SMAP2: variants seen among roughly 807,000 people sequenced by gnomAD.
SMAP2 encodes small ArfGAP2.
In SMAP2, 25 loss-of-function variants were observed where a neutral mutation model predicts 56.4. The observed-to-expected ratio is 0.44, with a 90% CI of 0.32 to 0.62. The LOEUF (loss-of-function observed/expected upper bound fraction) is 0.62, where lower values mean the gene tolerates loss of function less well. Among genes scored for constraint, SMAP2 ranks in the 20% least tolerant of loss-of-function variants. The pLI, the probability that SMAP2 is intolerant of heterozygous loss-of-function variation, is 0.04. For missense variants in SMAP2, 388 were observed against 545.6 expected, an observed-to-expected ratio of 0.71 and a Z score of 2.88; for synonymous variants, 157 against 181.7, an observed-to-expected ratio of 0.86 and a Z score of 1.09.
chr1:40,372,314 A>C (rs1031512831), upstream of SMAP2, among the ~76,000 whole-genome samples: 1 of 152,050 alleles, frequency 6.6e-6, no homozygotes, highest in African/African-American at 2.4e-5. Context: ...AACGGGGTAC[A>C]TTGGGGGTTG....
rs1360631412 is a variant in SMAP2, at chr1:40,414,202, C to T, written c.533C>T (p.Pro178Leu). Residue 178 changes from proline (P) to leucine (L), a missense_variant, in exon 6 of 10, where the codon CCG (proline) becomes CTG (leucine). By Grantham distance (98) the Pro-to-Leu change is moderately conservative. Transcript: ENST00000372718. The stretch of plus-strand genomic sequence containing the variant: ...CCACAGCTACCTCGGAAAAGCTCCC[C>T]GAAATCCACAGCGCCTGTCATGGAT... ...EDPQLPRKSS[P>L]KSTAPVMDLL... is the part of the protein sequence containing the mutation. 9.9e-6 allele frequency: 16 copies of T among 1,614,184 alleles called. No homozygotes were observed. Among genetic ancestry groups the T allele is most frequent in the Middle Eastern group, 3.3e-4 (2 of 6,060 alleles).
intron 1 of SMAP2, among the ~76,000 whole-genome samples, chr1:40,394,730 G>C (rs888926458): frequency 6.6e-6 from 1 of 152,064 alleles, no homozygotes; most frequent in African/African-American, 2.4e-5. Context: ...CAACTGGAAA[G>C]AATTCTTTTT....
intron 1 of SMAP2, among the ~76,000 whole-genome samples, chr1:40,358,147 T>G (rs1315360144): frequency 1.3e-5 from 2 of 152,234 alleles, no homozygotes; most frequent in Non-Finnish European, 2.9e-5. Context: ...CTTTCACTTC[T>G]TGGGTTAATT....
At chr1:40,397,656 T>C (rs1046289839) in intron 1 of SMAP2, among the ~76,000 whole-genome samples, 7 of 152,182 alleles carry the variant, frequency 4.6e-5, no homozygotes, top group Admixed American at 3.3e-4. Flanking sequence ...CAAGTGTTTG[T>C]GATAAATGAT....
chr1:40,377,140 G>A (rs1242754157), intron 1 of SMAP2, among the ~76,000 whole-genome samples: 2 of 152,080 alleles, frequency 1.3e-5, no homozygotes, highest in African/African-American at 2.4e-5. Flanking sequence ...TAAAAAATTA[G>A]CTGGGTGTGG....
At chr1:40,379,558 T>C (rs1012712217) in intron 1 of SMAP2, among the ~76,000 whole-genome samples, 81 of 139,250 alleles carry the variant, frequency 5.8e-4, no homozygotes, top group African/African-American at 2.2e-3. Context: ...TGTCTCTCTT[T>C]TTTTTTTTTT....
chr1:40,406,877 G>A lies in SMAP2; in HGVS notation c.237+8G>A. 6.2e-7 allele frequency: 1 copy of A among 1,605,398 alleles called. No individual in the cohort carries two copies. Among genetic ancestry groups the A allele is most frequent in the Non-Finnish European group, 8.5e-7 (1 of 1,174,132 alleles). Reference sequence around the variant, plus strand: ...ACTCAAGAACAGATTCAGGTACTTAGCCCAAGAGTGAGTCAGCTGCTTCCA... The same window carrying A: ...ACTCAAGAACAGATTCAGGTACTTAACCCAAGAGTGAGTCAGCTGCTTCCA... On this transcript the variant is annotated splice_region_variant and intron_variant, in intron 2 of 9. Coordinates refer to ENST00000372718, the MANE Select transcript of SMAP2 (RefSeq NM_022733.3).
chr1:40,353,455 G>A (rs1339608499), intron 1 of SMAP2, among the ~76,000 whole-genome samples: 6 of 152,128 alleles, frequency 3.9e-5, no homozygotes, highest in Non-Finnish European at 8.8e-5. Flanking sequence ...AGCAACCTCC[G>A]CCTCCCGGGT....
intron 1 of SMAP2, among the ~76,000 whole-genome samples, chr1:40,355,985 C>G (rs764913660): frequency 2.6e-5 from 4 of 152,132 alleles, no homozygotes; most frequent in Non-Finnish European, 5.9e-5. Flanking sequence ...CCCACCCCCA[C>G]TAACCTTCCC....
At chr1:40,364,549 C>A (rs891790237) in intron 2 of SMAP2, among the ~76,000 whole-genome samples, 10 of 152,266 alleles carry the variant, frequency 6.6e-5, no homozygotes, top group Admixed American at 2.0e-4. Flanking sequence ...TCAGGACCAA[C>A]CTGGGCAACA....
At chr1:40,417,900 A>C (rs987164096) in intron 9 of SMAP2, among the ~76,000 whole-genome samples, 6 of 152,218 alleles carry the variant, frequency 3.9e-5, no homozygotes, top group African/African-American at 1.4e-4. Context: ...AGCCTCCCCA[A>C]ACCTTCACAC....
At chr1:40,375,826 A>AC (rs33976621) in intron 1 of SMAP2, 108,196 of 810,090 alleles carry the variant, frequency 0.13, 2,774 homozygotes, top group Middle Eastern at 0.23. Flanking sequence ...GGTGACTAGA[A>AC]CCCCCCCCCC....
chr1:40,401,608 A>G (rs1644835113), intron 1 of SMAP2, among the ~76,000 whole-genome samples: 1 of 152,130 alleles, frequency 6.6e-6, no homozygotes, highest in Non-Finnish European at 1.5e-5. Context: ...CTGTCTGCTG[A>G]GTTGTCAATC....
chr1:40,417,372 C>T (rs1432698281), intron 9 of SMAP2, among the ~76,000 whole-genome samples: 1 of 151,948 alleles, frequency 6.6e-6, no homozygotes, highest in Non-Finnish European at 1.5e-5. Context: ...ACAAAGAAAC[C>T]CTGTACAAAC....
chr1:40,385,455 GA>G lies in SMAP2; in HGVS notation c.103+11235del, dbSNP rs1644644076. On this transcript the variant is annotated intron_variant, in intron 1 of 9. Transcript: ENST00000372718. The surrounding 1 kb of genome is among the most constrained non-coding windows in gnomAD (Gnocchi z 4.5). ...CATTTCAGGTCAAAGCTTCCAAAAA[GA>G]AATTTCTTAATCTGAAACAATGAGA... 6.6e-6 allele frequency among the ~76,000 whole-genome samples: 1 copy of G among 152,104 alleles called. No individual in the cohort carries two copies. The highest frequency in any genetic ancestry group is 2.1e-4 in the South Asian group (1 of 4,830).
At chr1:40,350,419 A>G (rs1029568456) in intron 1 of SMAP2, among the ~76,000 whole-genome samples, 5 of 152,216 alleles carry the variant, frequency 3.3e-5, no homozygotes, top group African/African-American at 1.2e-4. Context: ...TGACACCATA[A>G]AAGCATGACC....
intron 9 of SMAP2, among the ~76,000 whole-genome samples, chr1:40,419,447 AT>A (rs995043302): frequency 1.3e-5 from 2 of 151,412 alleles, no homozygotes; most frequent in Admixed American, 6.6e-5. Context: ...CACCCGGTTA[AT>A]TTTTTTTGTA....
At chr1:40,390,795 C>G (rs1442674612) in intron 1 of SMAP2, among the ~76,000 whole-genome samples, 1 of 152,128 alleles carries the variant, frequency 6.6e-6, no homozygotes, top group Non-Finnish European at 1.5e-5. Context: ...CTCTCTAGGC[C>G]TTAGTTTCTC....
At chr1:40,394,591 T>C (rs1295982109) in intron 1 of SMAP2, among the ~76,000 whole-genome samples, 1 of 152,124 alleles carries the variant, frequency 6.6e-6, no homozygotes, top group Admixed American at 6.5e-5. Context: ...TTAAAATATG[T>C]TGGCTCTTTA....
Sources: allele counts gnomAD v4.1 joint callset (sites outside exome capture counted in the v4.1 genomes callset), GRCh38; gene constraint gnomAD v4.1.1; non-coding constraint Gnocchi (gnomAD v3.1); transcripts MANE v1.5; gene names NCBI Gene and HGNC (gene_info 2026-07-23, HGNC 2026-07-21).